The following NTM variants were observed in gnomAD, a reference collection of about 807,000 sequenced individuals.
NTM encodes IgLON family member 2.
NTM carries 13 observed loss-of-function variants against 42.1 expected under a neutral mutation model. The ratio of observed to expected loss-of-function variants is 0.31; its 90% confidence interval spans 0.20 to 0.49. The LOEUF (loss-of-function observed/expected upper bound fraction) is 0.49, where lower values mean the gene tolerates loss of function less well. Among genes scored for constraint, NTM ranks in the 20% least tolerant of loss-of-function variants. NTM has a pLI of 0.99. For missense variants in NTM, 373 were observed against 452.8 expected, an observed-to-expected ratio of 0.82 and a Z score of 1.60; for synonymous variants, 187 against 179.2, an observed-to-expected ratio of 1.04 and a Z score of -0.35.
chr11:131,999,366 AC>A (rs1565915930), intron 2 of NTM, among the ~76,000 whole-genome samples: 1 of 152,210 alleles, frequency 6.6e-6, no homozygotes, highest in Non-Finnish European at 1.5e-5. Flanking sequence ...GTATCTTAGT[AC>A]TTGAGCAATG....
At chr11:132,315,082 T>TA (rs1441515329) in intron 7 of NTM, 4 of 1,011,272 alleles carry the variant, frequency 4.0e-6, no homozygotes, top group Non-Finnish European at 1.2e-6. Flanking sequence ...GACATTTGAT[T>TA]TTTTTTTTCT....
intron 4 of NTM, among the ~76,000 whole-genome samples, chr11:132,248,952 C>T (rs759236105): frequency 6.6e-6 from 1 of 152,166 alleles, no homozygotes; most frequent in African/African-American, 2.4e-5. Context: ...AGGAAGGTGT[C>T]GGACACTGGT....
At position 132,183,079 on chromosome 11, in the gene NTM, T is replaced by G. The variant is rs180806654; in HGVS notation, c.401-28943T>G. ...ACGGTGCTGTACAGTCCTCATTGCA[T>G]ATATTGTCAACTTCTACACCTGCTG... On this transcript the variant is annotated intron_variant, in intron 3 of 8. Transcript: ENST00000683400. Among the ~76,000 whole-genome samples the G allele has an allele frequency of 7.4e-4, 112 of 152,286 alleles. 1 individual carries two copies. Among genetic ancestry groups the G allele is most frequent in the African/African-American group, 2.5e-3 (102 of 41,558 alleles).
rs1368931940 is a variant in NTM, at chr11:132,212,145, A to G, written c.524A>G (p.Lys175Arg). The stretch of plus-strand genomic sequence containing the variant: ...GTTACTTGGAGACACATCTCTCCCA[A>G]AGGTAAGAGAACAGTTTGTTGCATT... The part of the protein sequence containing the change: ...PTVTWRHISP[K>R]AVGFVSEDEY... The change falls in exon 4 of 9, where the codon AAA becomes AGA. Residue 175 changes from lysine (K) to arginine (R), a missense_variant and splice_region_variant. By Grantham distance (26) the Lys-to-Arg change is conservative. Coordinates refer to ENST00000683400, the MANE Select transcript of NTM (RefSeq NM_001352005.2). 7 of 1,608,204 alleles carry G rather than the reference A, an allele frequency of 4.4e-6. No individual in the cohort carries two copies. Among genetic ancestry groups the G allele is most frequent in the Non-Finnish European group, 4.2e-6 (5 of 1,178,386 alleles).
chr11:132,334,876 G>A (rs2095858557), intron 8 of NTM, 170 bp from the exon 9 acceptor site: 2 of 625,242 alleles, frequency 3.2e-6, no homozygotes, highest in South Asian at 7.1e-5. Flanking sequence ...GTGTCTTGGG[G>A]ATGTGGGCCA....
chr11:131,793,757 C>A (rs1591898932), intron 1 of NTM, among the ~76,000 whole-genome samples: 1 of 152,220 alleles, frequency 6.6e-6, no homozygotes. Context: ...GAGGTCCTGG[C>A]AGAAGTTTCT....
chr11:131,454,144 T>A (rs1371367034), intron 1 of NTM, among the ~76,000 whole-genome samples: 1 of 151,006 alleles, frequency 6.6e-6, no homozygotes, highest in East Asian at 2.0e-4. Context: ...TATAATAAGA[T>A]CTTTTGAGAG....
chr11:132,081,410 C>T (rs2059020711), intron 2 of NTM, among the ~76,000 whole-genome samples: 1 of 151,980 alleles, frequency 6.6e-6, no homozygotes, highest in Non-Finnish European at 1.5e-5. Flanking sequence ...TTTTCCTATC[C>T]TAAGAGGATG....
At chr11:131,992,736 A>G (rs952030452) in intron 2 of NTM, among the ~76,000 whole-genome samples, 2 of 152,110 alleles carry the variant, frequency 1.3e-5, no homozygotes, top group African/African-American at 4.8e-5. Context: ...CTTTGAAAGG[A>G]AGTCTGTTTG....
At chr11:132,203,376 A>G (rs767762803) in intron 3 of NTM, among the ~76,000 whole-genome samples, 1 of 152,214 alleles carries the variant, frequency 6.6e-6, no homozygotes, top group Non-Finnish European at 1.5e-5. Context: ...CAGAACATCT[A>G]TTTTGAGGAG....
chr11:132,176,874 G>A (rs1005732005), intron 3 of NTM, among the ~76,000 whole-genome samples: 2 of 151,640 alleles, frequency 1.3e-5, no homozygotes, highest in Non-Finnish European at 2.9e-5. Flanking sequence ...GATTACAGGG[G>A]CCCACCACCA....
chr11:132,209,841 C>T (rs780193309), intron 3 of NTM, among the ~76,000 whole-genome samples: 2 of 152,130 alleles, frequency 1.3e-5, no homozygotes, highest in African/African-American at 4.8e-5. Context: ...TAGCTCAGTG[C>T]AGCACAGATA....
chr11:132,330,002 C>T (rs780717667), intron 7 of NTM, 151 bp from the exon 8 acceptor site: 5 of 1,217,746 alleles, frequency 4.1e-6, no homozygotes, highest in Non-Finnish European at 5.5e-6. Context: ...GAGGGCTGGG[C>T]AGTGGTCAGG....
At chr11:131,513,549 G>C (rs997804745) in intron 1 of NTM, among the ~76,000 whole-genome samples, 3 of 152,232 alleles carry the variant, frequency 2.0e-5, no homozygotes, top group Non-Finnish European at 4.4e-5. Context: ...AGGACTGAGA[G>C]CGGCTTCCTT....
chr11:131,559,665 G>A (rs906362055), intron 1 of NTM, among the ~76,000 whole-genome samples: 35 of 152,198 alleles, frequency 2.3e-4, no homozygotes, highest in African/African-American at 7.5e-4. Context: ...GCTTAATCAA[G>A]GTAGAAATGT....
intron 1 of NTM, among the ~76,000 whole-genome samples, chr11:131,810,351 C>G (rs2092686107): frequency 6.6e-6 from 1 of 152,252 alleles, no homozygotes. Flanking sequence ...TGTGGGCACC[C>G]AGAGAGTGCT....
At chr11:131,681,290 CG>C in intron 1 of NTM, among the ~76,000 whole-genome samples, 1 of 13,874 alleles carries the variant, frequency 7.2e-5, no homozygotes, top group Admixed American at 1.1e-3. Context: ...TGTGTGTGAG[CG>C]TGTGTGTTTC....
intron 1 of NTM, chr11:131,605,838 G>T: frequency 1.0e-6 from 1 of 984,500 alleles, no homozygotes; most frequent in Non-Finnish European, 1.2e-6. Context: ...TAACTGCCTG[G>T]AAGCCTCTTC....
intron 1 of NTM, among the ~76,000 whole-genome samples, chr11:131,427,165 C>T (rs955372643): frequency 4.0e-5 from 6 of 150,390 alleles, no homozygotes; most frequent in Non-Finnish European, 8.9e-5. Flanking sequence ...AAGACCGGCA[C>T]CTGAGATATC....
Sources: allele counts gnomAD v4.1 joint callset (sites outside exome capture counted in the v4.1 genomes callset), GRCh38; gene constraint gnomAD v4.1.1; transcripts MANE v1.5; gene names NCBI Gene and HGNC (gene_info 2026-07-23, HGNC 2026-07-21).